Variants in VPS53 observed in about 807,000 individuals in gnomAD.
VPS53 encodes the protein vacuolar protein sorting-associated protein 53 homolog.
In VPS53, 70 loss-of-function variants were observed where a neutral mutation model predicts 107.0. The ratio of observed to expected loss-of-function variants is 0.65; its 90% CI spans 0.54 to 0.80. VPS53 has a LOEUF of 0.80. VPS53 is among the 30% of genes least tolerant of loss of function. The pLI is 0.00. For missense variants in VPS53, 917 were observed against 1,049.4 expected, an observed-to-expected ratio of 0.87 and a Z score of 1.74; for synonymous variants, 409 against 393.3, an observed-to-expected ratio of 1.04 and a Z score of -0.47.
chr17:575,826 G>A (rs1029070394), intron 13 of VPS53, among the ~76,000 whole-genome samples: 9 of 140,490 alleles, frequency 6.4e-5, no homozygotes, highest in East Asian at 4.5e-4. Flanking sequence ...GACCTAATGC[G>A]TTCCTAGAAA....
intron 4 of VPS53, among the ~76,000 whole-genome samples, chr17:690,090 A>T (rs180838900): frequency 1.4e-3 from 208 of 152,184 alleles, no homozygotes; most frequent in African/African-American, 3.9e-3. Context: ...CTCTGAATCC[A>T]CTCCATTCTG....
chr17:696,732 A>G (rs991033493), intron 4 of VPS53, among the ~76,000 whole-genome samples: 4 of 152,000 alleles, frequency 2.6e-5, no homozygotes, highest in Non-Finnish European at 4.4e-5. Context: ...TAGATCCAGT[A>G]AGACTTACTT....
chr17:594,508 GGTTT>G, intron 12 of VPS53, among the ~76,000 whole-genome samples: 1 of 145,906 alleles, frequency 6.9e-6, no homozygotes, highest in African/African-American at 2.5e-5. Context: ...TCAATTTCCT[GGTTT>G]AATGATGCAC....
chr17:594,170 G>C (rs932080548), intron 12 of VPS53, among the ~76,000 whole-genome samples: 1 of 151,552 alleles, frequency 6.6e-6, no homozygotes, highest in Non-Finnish European at 1.5e-5. Context: ...GGGGTGGGAG[G>C]AGGGGGGAGG....
At chr17:553,775 G>C (rs942248653) in intron 15 of VPS53, among the ~76,000 whole-genome samples, 2 of 151,958 alleles carry the variant, frequency 1.3e-5, no homozygotes, top group African/African-American at 4.8e-5. Context: ...TCACCATGTT[G>C]GTCAGGCCGG....
rs573880249 is a variant in VPS53 at position 524,991 on chromosome 17, C to T, written c.2086-3253G>A. Among the ~76,000 whole-genome samples, 164 of 152,250 alleles carry T rather than the reference C, an allele frequency of 1.1e-3. No homozygotes were observed. Among genetic ancestry groups the T allele is most frequent in the Non-Finnish European group, 1.7e-3 (118 of 68,022 alleles). ...CCCATGTAAAAACGTTCCCTGCATCCGCTATTTATAAAAGCAAAAGTTTGG... is the reference window on the plus strand; with the variant it reads ...CCCATGTAAAAACGTTCCCTGCATCTGCTATTTATAAAAGCAAAAGTTTGG... On this transcript the variant is annotated intron_variant, in intron 19 of 21. Transcript: ENST00000437048. The surrounding 1 kb of genome is among the most constrained non-coding windows in gnomAD (Gnocchi z 4.5).
intron 10 of VPS53, among the ~76,000 whole-genome samples, chr17:624,184 C>A (rs1969590961): frequency 6.6e-6 from 1 of 152,050 alleles, no homozygotes. Context: ...TTGCCTGTAT[C>A]TTTGAACAGT....
chr17:657,195 A>G, intron 5 of VPS53: 3 of 1,526,588 alleles, frequency 2.0e-6, no homozygotes, highest in Non-Finnish European at 2.7e-6. Flanking sequence ...TTGTGCCCAC[A>G]AAGATTTTTC....
chr17:676,845 G>GT (rs202156847), intron 4 of VPS53, among the ~76,000 whole-genome samples: 12,175 of 144,274 alleles, frequency 0.084, 697 homozygotes, highest in East Asian at 0.32. Flanking sequence ...AATCAGGGTG[G>GT]TTTTTTTTTT....
At chr17:676,247 T>C (rs1403558031) in intron 4 of VPS53, 1 of 152,106 alleles carries the variant, frequency 6.6e-6, no homozygotes, top group Non-Finnish European at 1.5e-5. Context: ...TTTCCGTGGA[T>C]GAAAGAGGGA....
intron 8 of VPS53, among the ~76,000 whole-genome samples, chr17:629,808 A>C (rs201042124): frequency 0.14 from 9,265 of 66,210 alleles, 362 homozygotes; most frequent in South Asian, 0.17. Flanking sequence ...CAAAAAAAAA[A>C]CCACACACAC....
intron 12 of VPS53, among the ~76,000 whole-genome samples, chr17:594,533 C>A (rs1967854996): frequency 6.7e-6 from 1 of 148,388 alleles, no homozygotes; most frequent in African/African-American, 2.5e-5. Flanking sequence ...TCTAGTGTCC[C>A]CCCTGGAGGA....
At chr17:521,057 A>T (rs541075383) in intron 20 of VPS53, among the ~76,000 whole-genome samples, 1 of 152,360 alleles carries the variant, frequency 6.6e-6, no homozygotes, top group Non-Finnish European at 1.5e-5. Context: ...TCTGTTCTCC[A>T]GCCCTCATCC....
At chr17:639,844 G>A (rs972914230) in intron 7 of VPS53, among the ~76,000 whole-genome samples, 2 of 150,506 alleles carry the variant, frequency 1.3e-5, no homozygotes, top group African/African-American at 2.5e-5. Context: ...CTACTCGGGG[G>A]TCAGGGACCC....
intron 19 of VPS53, among the ~76,000 whole-genome samples, chr17:528,465 G>A: frequency 6.6e-6 from 1 of 152,050 alleles, no homozygotes; most frequent in Non-Finnish European, 1.5e-5. Flanking sequence ...TCCCTTGTAT[G>A]GATAGACCAC....
chr17:662,763 AAGAAAGAAAG>A (rs1311231666), intron 4 of VPS53, among the ~76,000 whole-genome samples: 5 of 144,698 alleles, frequency 3.5e-5, no homozygotes, highest in Non-Finnish European at 6.1e-5. Flanking sequence ...GAAAGAAAGA[AAGAAAGAAAG>A]AGAAAGAAAG....
chr17:580,933 C>T (rs1966982720), intron 13 of VPS53, among the ~76,000 whole-genome samples: 4 of 151,830 alleles, frequency 2.6e-5, no homozygotes, highest in African/African-American at 9.7e-5. Context: ...TCCCTCAAGA[C>T]CTAATGGGTA....
chr17:542,751 G>A (rs1232151802), intron 17 of VPS53, among the ~76,000 whole-genome samples: 1 of 152,136 alleles, frequency 6.6e-6, no homozygotes, highest in Non-Finnish European at 1.5e-5. Context: ...GGCCAAGGCA[G>A]GTGGATCACT....
At chr17:620,906 C>T (rs1597392507) in intron 11 of VPS53, among the ~76,000 whole-genome samples, 1 of 152,096 alleles carries the variant, frequency 6.6e-6, no homozygotes, top group African/African-American at 2.4e-5. Flanking sequence ...CCGCACCCGG[C>T]CTCTACATTA....
Sources: gnomAD v4.1 joint callset for allele counts (sites outside exome capture counted in the v4.1 genomes callset) on GRCh38, gnomAD v4.1.1 for gene constraint, Gnocchi (gnomAD v3.1) non-coding constraint, MANE v1.5 for transcripts, NCBI Gene and HGNC (gene_info 2026-07-23, HGNC 2026-07-21) for gene names.